Variants in NRTN observed in about 807,000 individuals in gnomAD.
The protein encoded by NRTN is neurturin.
Under a neutral mutation model 7.5 loss-of-function variants are expected in NRTN, and 3 were observed. The observed-to-expected ratio is 0.40, with a 90% CI of 0.18 to 1.03. The LOEUF (loss-of-function observed/expected upper bound fraction) is 1.03, where lower values mean the gene tolerates loss of function less well. Ranked by LOEUF, NRTN falls within the 50% of genes least tolerant of loss-of-function variation. The probability of loss-of-function intolerance (pLI) is 0.34; values close to 1 mark genes in which losing one functional copy is unlikely to be tolerated. For missense variants in NRTN, 310 were observed against 307.0 expected, an observed-to-expected ratio of 1.01 and a Z score of -0.07; for synonymous variants, 157 against 146.6, an observed-to-expected ratio of 1.07 and a Z score of -0.51.
chr19:5,820,690 C>T (rs1361638921), intron 1 of NRTN, among the ~76,000 whole-genome samples: 2 of 139,700 alleles, frequency 1.4e-5, no homozygotes, highest in African/African-American at 5.4e-5. Flanking sequence ...GATCGCACCA[C>T]TGTGCTCCAC....
intron 2 of NRTN, among the ~76,000 whole-genome samples, chr19:5,825,930 G>C (rs1249380390): frequency 6.6e-6 from 1 of 152,114 alleles, no homozygotes; most frequent in Non-Finnish European, 1.5e-5. Context: ...GTCAGGAGAT[G>C]GAGACCATTC....
chr19:5,817,868 C>A (rs2057010921), intron 1 of NRTN, among the ~76,000 whole-genome samples: 1 of 152,198 alleles, frequency 6.6e-6, no homozygotes, highest in Non-Finnish European at 1.5e-5. Flanking sequence ...GGTGTGATCT[C>A]AGCTCACTGC....
chr19:5,825,942 G>A lies in NRTN; in HGVS notation c.169+1608G>A, dbSNP rs558525259. Among the ~76,000 whole-genome samples, 4 of 152,282 alleles carry A rather than the reference G, an allele frequency of 2.6e-5. No individual in the cohort carries two copies. In the East Asian group the frequency reaches 7.7e-4, roughly 29 times the overall value. ...GAGGTCAGGAGATGGAGACCATTCT[G>A]GCTAACACTGTGAAACCCTGTCTCT... On this transcript the variant is annotated intron_variant, in intron 2 of 2. Transcript: ENST00000303212.
intron 1 of NRTN, among the ~76,000 whole-genome samples, chr19:5,812,671 G>C (rs73552420): frequency 0.046 from 7,022 of 152,304 alleles, 551 homozygotes; most frequent in African/African-American, 0.16. Flanking sequence ...CATTTTTGTG[G>C]GCTGTGGAAT....
intron 1 of NRTN, among the ~76,000 whole-genome samples, chr19:5,812,832 C>T (rs2056994342): frequency 1.3e-5 from 2 of 152,194 alleles, no homozygotes; most frequent in Admixed American, 6.5e-5. Context: ...CAGGAGGCTG[C>T]CCTAGGAACA....
At position 5,824,245 on chromosome 19, in the gene NRTN, T is replaced by C. The variant is rs752824744; in HGVS notation, c.80T>C (p.Leu27Pro). The C allele has an allele frequency of 6.8e-6, 11 of 1,612,162 alleles. No individual in the cohort carries two copies. Among genetic ancestry groups the C allele is most frequent in the Non-Finnish European group, 9.3e-6 (11 of 1,179,868 alleles). ...TCCATCTGGATGTGTCGAGAGGGCC[T>C]GCTTCTCAGCCACCGCCTCGGACCT... ...VLSIWMCREG[L>P]LLSHRLGPAL... The change falls in exon 2 of 3, where the codon CTG becomes CCG. Residue 27 changes from leucine to proline, a missense_variant. Physicochemically the swap from Leu to Pro is moderately conservative, Grantham distance 98 (BLOSUM62 -3). Transcript: ENST00000303212.
At chr19:5,819,841 T>A (rs948585590) in intron 1 of NRTN, among the ~76,000 whole-genome samples, 2 of 148,800 alleles carry the variant, frequency 1.3e-5, no homozygotes, top group Non-Finnish European at 3.0e-5. Flanking sequence ...CAGAGTGAGA[T>A]CCTGTCTCAA....
intron 1 of NRTN, among the ~76,000 whole-genome samples, chr19:5,822,527 A>G (rs2057029029): frequency 6.6e-6 from 1 of 152,228 alleles, no homozygotes; most frequent in Non-Finnish European, 1.5e-5. Flanking sequence ...CACCGACTGT[A>G]TGCAGTGAGG....
In NRTN at chr19:5,826,749, G is replaced by A. The variant is rs192814390; in HGVS notation, c.170-1000G>A. Reference sequence around the variant, plus strand: ...TCTGCAGTTCTCTCCCGGGGCTTCCGAGTTTGGGGGTGGAGCCACCGCTTG... The same window carrying A: ...TCTGCAGTTCTCTCCCGGGGCTTCCAAGTTTGGGGGTGGAGCCACCGCTTG... On this transcript the variant is annotated intron_variant, in intron 2 of 2. Coordinates refer to ENST00000303212, the MANE Select transcript of NRTN (RefSeq NM_004558.5). Among the ~76,000 whole-genome samples the A allele has an allele frequency of 7.9e-5, 12 of 152,316 alleles. No homozygotes were observed. In the East Asian group the frequency reaches 2.3e-3, roughly 29 times the overall value.
At chr19:5,810,864 G>T (rs940217452) in intron 1 of NRTN, among the ~76,000 whole-genome samples, 8 of 151,950 alleles carry the variant, frequency 5.3e-5, no homozygotes, top group African/African-American at 1.9e-4. Flanking sequence ...AGGAGGCAGA[G>T]GTTGCACTGA....
At chr19:5,826,059 C>T (rs2057044930) in intron 2 of NRTN, among the ~76,000 whole-genome samples, 1 of 151,710 alleles carries the variant, frequency 6.6e-6, no homozygotes, top group Admixed American at 6.6e-5. Context: ...GGCGTGAACC[C>T]GGGAGGCGGA....
At chr19:5,816,899 A>G (rs1363320599) in intron 1 of NRTN, among the ~76,000 whole-genome samples, 5 of 152,244 alleles carry the variant, frequency 3.3e-5, no homozygotes, top group African/African-American at 9.6e-5. Context: ...ACGCCCTAGC[A>G]TGTGAGCACG....
intron 1 of NRTN, among the ~76,000 whole-genome samples, chr19:5,819,375 A>G (rs1015693992): frequency 3.2e-4 from 48 of 152,030 alleles, no homozygotes; most frequent in African/African-American, 1.2e-3. Flanking sequence ...AAAAATATAA[A>G]AATTGGTCAG....
rs551834386 is a variant in NRTN at position 5,825,466 on chromosome 19, G to C, written c.169+1132G>C. Among the ~76,000 whole-genome samples, 4 of 152,354 alleles carry C rather than the reference G, an allele frequency of 2.6e-5. No individual in the cohort carries two copies. The South Asian group carries it at 8.3e-4, about 32-fold the overall frequency. On this transcript the variant is annotated intron_variant, in intron 2 of 2. Transcript: ENST00000303212. ...CCAGCCCACACAATCCTCTTTTCTT[G>C]TCCTTACAATGCACAAGGGTGGCCT...
intron 1 of NRTN, among the ~76,000 whole-genome samples, chr19:5,807,218 C>T (rs1390586335): frequency 6.6e-6 from 1 of 152,134 alleles, no homozygotes; most frequent in African/African-American, 2.4e-5. Flanking sequence ...AGAGACTGTT[C>T]TAGAAGGTTG....
chr19:5,822,790 C>T (rs142828836), intron 1 of NRTN, among the ~76,000 whole-genome samples: 110 of 152,192 alleles, frequency 7.2e-4, no homozygotes, highest in Middle Eastern at 3.4e-3. Context: ...AGCTTGAGCC[C>T]AGGAGTTTGA....
At chr19:5,809,861 A>T in intron 1 of NRTN, among the ~76,000 whole-genome samples, 1 of 152,096 alleles carries the variant, frequency 6.6e-6, no homozygotes, top group Admixed American at 6.5e-5. Context: ...CCTCTTGTTA[A>T]CACAGGCCAG....
intron 1 of NRTN, among the ~76,000 whole-genome samples, 95 bp downstream of exon 1, chr19:5,805,546 C>G (rs1599632315): frequency 6.6e-6 from 1 of 151,650 alleles, no homozygotes; most frequent in Admixed American, 6.6e-5. Context: ...CTGAGGACTC[C>G]GAGTAGACCA....
chr19:5,811,776 C>G (rs561981431), intron 1 of NRTN, among the ~76,000 whole-genome samples: 232 of 151,556 alleles, frequency 1.5e-3, no homozygotes, highest in Middle Eastern at 6.8e-3. Context: ...GTCTCGAACT[C>G]CTGGCCTAAA....
Sources: gnomAD v4.1 joint callset for allele counts (sites outside exome capture counted in the v4.1 genomes callset) on GRCh38, gnomAD v4.1.1 for gene constraint, MANE v1.5 for transcripts, NCBI Gene and HGNC (gene_info 2026-07-23, HGNC 2026-07-21) for gene names.